The following TSPAN18 variants were observed in gnomAD, a reference collection of about 807,000 sequenced individuals.
TSPAN18 encodes tetraspanin-18.
In TSPAN18, 14 loss-of-function variants were observed where a neutral mutation model predicts 27.3. The observed-to-expected ratio is 0.51, with a 90% CI of 0.34 to 0.80. The LOEUF (loss-of-function observed/expected upper bound fraction) is 0.80. Ranked by LOEUF, TSPAN18 falls within the 30% of genes least tolerant of loss-of-function variation. The pLI is 0.01. For synonymous variants in TSPAN18, 143 were observed against 136.5 expected (o/e 1.05, Z -0.33); for missense variants, 268 against 323.9 (o/e 0.83, Z 1.32).
intron 2 of TSPAN18, among the ~76,000 whole-genome samples, chr11:44,842,076 G>A (rs1857385755): frequency 6.6e-6 from 1 of 152,128 alleles, no homozygotes; most frequent in South Asian, 2.1e-4. Flanking sequence ...AACACATCAG[G>A]GCAAAAGCAG....
intron 2 of TSPAN18, among the ~76,000 whole-genome samples, chr11:44,819,610 G>T (rs1369024133): frequency 6.6e-6 from 1 of 152,028 alleles, no homozygotes; most frequent in Admixed American, 6.5e-5. Flanking sequence ...CTGCTCTTGG[G>T]CACGGCAGTG....
intron 6 of TSPAN18, among the ~76,000 whole-genome samples, chr11:44,919,002 A>G (rs1362207874): frequency 6.6e-6 from 1 of 151,992 alleles, no homozygotes; most frequent in African/African-American, 2.4e-5. Flanking sequence ...CTCCACCGAG[A>G]TGTGCATGTG....
At chr11:44,794,446 TC>T (rs1856300449) in intron 2 of TSPAN18, among the ~76,000 whole-genome samples, 1 of 152,124 alleles carries the variant, frequency 6.6e-6, no homozygotes, top group Non-Finnish European at 1.5e-5. Context: ...GGCAGGTGGA[TC>T]ACCTGAGGTC....
intron 1 of TSPAN18, among the ~76,000 whole-genome samples, chr11:44,751,027 A>G (rs1330367887): frequency 1.3e-5 from 2 of 152,122 alleles, no homozygotes; most frequent in African/African-American, 4.8e-5. Context: ...AAAGAGAGAG[A>G]GGGAGTGAGC....
At chr11:44,875,623 C>T (rs1007596207) in intron 3 of TSPAN18, among the ~76,000 whole-genome samples, 8 of 152,230 alleles carry the variant, frequency 5.3e-5, no homozygotes, top group African/African-American at 1.9e-4. Context: ...CTCATCAAAT[C>T]CTTGTAACTA....
At chr11:44,788,456 C>CTTTTTT (rs11458938) in intron 2 of TSPAN18, among the ~76,000 whole-genome samples, 36 of 126,778 alleles carry the variant, frequency 2.8e-4, no homozygotes, top group African/African-American at 1.0e-3. Context: ...CTTTTTTTCT[C>CTTTTTT]TTTTTTTTTT....
chr11:44,842,412 C>T (rs1372491647), intron 2 of TSPAN18, among the ~76,000 whole-genome samples: 3 of 152,216 alleles, frequency 2.0e-5, no homozygotes, highest in Non-Finnish European at 4.4e-5. Context: ...ATGCATTTAA[C>T]ATTTTTGCTC....
chr11:44,832,604 A>C (rs538974119), intron 2 of TSPAN18, among the ~76,000 whole-genome samples: 61 of 152,266 alleles, frequency 4.0e-4, no homozygotes, highest in African/African-American at 1.5e-3. Flanking sequence ...CCAAACTGCC[A>C]CTGCCCCGGA....
chr11:44,894,430 G>A (rs907237725), intron 3 of TSPAN18, among the ~76,000 whole-genome samples: 12 of 152,186 alleles, frequency 7.9e-5, no homozygotes, highest in African/African-American at 1.2e-4. Flanking sequence ...TCTCTTGTCC[G>A]GCCGCCTCCT....
intron 3 of TSPAN18, among the ~76,000 whole-genome samples, chr11:44,884,464 G>A (rs764819951): frequency 2.0e-5 from 3 of 152,204 alleles, no homozygotes; most frequent in Non-Finnish European, 2.9e-5. Flanking sequence ...CCCTGGCCTC[G>A]ATGGGCGATC....
At chr11:44,760,685 G>A (rs567409087) in intron 1 of TSPAN18, among the ~76,000 whole-genome samples, 5 of 152,304 alleles carry the variant, frequency 3.3e-5, no homozygotes, top group African/African-American at 1.2e-4. Flanking sequence ...GAAAGAAGAG[G>A]AGGAAGAAGC....
intron 3 of TSPAN18, among the ~76,000 whole-genome samples, chr11:44,899,759 AC>A (rs1407766192): frequency 6.6e-6 from 1 of 152,176 alleles, no homozygotes; most frequent in East Asian, 1.9e-4. Context: ...TATGTAGTTC[AC>A]CCATAGTCAT....
At position 44,930,302 on chromosome 11, in the gene TSPAN18, T is replaced by C. The variant is rs1315477361; in HGVS notation, c.*1124T>C. On this transcript the variant is annotated 3_prime_UTR_variant, in exon 10 of 10. Transcript: ENST00000520358. ...TGCATACCTCCAGGGACAGAGAGCT[T>C]ACTACCTCCCAAGGCAGCCTCCTGC... 1.3e-5 allele frequency: 2 copies of C among 153,196 alleles called. No individual in the cohort carries two copies. Among genetic ancestry groups the C allele is most frequent in the Admixed American group, 6.5e-5 (1 of 15,388 alleles). The allele number at this position is 153,196 out of a possible 1,614,324, so 9.5% of individuals were successfully genotyped here. A position where few individuals can be genotyped will look rare whatever the true frequency, so the allele number is the denominator to read the frequency against.
intron 2 of TSPAN18, among the ~76,000 whole-genome samples, chr11:44,798,393 G>A (rs1856399812): frequency 6.6e-6 from 1 of 152,172 alleles, no homozygotes; most frequent in African/African-American, 2.4e-5. Context: ...GCAAGACTTG[G>A]AGGATTAAGT....
At chr11:44,920,855 G>A (rs1029737500) in intron 8 of TSPAN18, among the ~76,000 whole-genome samples, 4 of 152,178 alleles carry the variant, frequency 2.6e-5, no homozygotes, top group South Asian at 2.1e-4. Context: ...TAGAGGACGC[G>A]CAAGATGAAC....
intron 3 of TSPAN18, chr11:44,904,022 G>A (rs1177905293): frequency 1.1e-5 from 4 of 370,132 alleles, no homozygotes; most frequent in Non-Finnish European, 2.2e-5. Flanking sequence ...GGAGACTTGG[G>A]TGGATGATCT....
intron 3 of TSPAN18, among the ~76,000 whole-genome samples, chr11:44,905,093 A>G (rs574974020): frequency 1.7e-4 from 26 of 152,308 alleles, no homozygotes; most frequent in African/African-American, 6.0e-4. Flanking sequence ...TAATAATTGT[A>G]TATGTTTATG....
intron 1 of TSPAN18, among the ~76,000 whole-genome samples, chr11:44,748,909 A>G (rs537414395): frequency 1.1e-4 from 17 of 152,296 alleles, no homozygotes; most frequent in African/African-American, 4.1e-4. Context: ...ATGTATTGAG[A>G]GCGTACCACA....
intron 8 of TSPAN18, chr11:44,925,620 A>G (rs1444120356): frequency 6.6e-6 from 1 of 152,190 alleles, no homozygotes; most frequent in Non-Finnish European, 1.5e-5. Flanking sequence ...GCACCCAAGA[A>G]TCCCCGGTCT....
Sources: allele counts gnomAD v4.1 joint callset (sites outside exome capture counted in the v4.1 genomes callset), GRCh38; gene constraint gnomAD v4.1.1; transcripts MANE v1.5; gene names NCBI Gene and HGNC (gene_info 2026-07-23, HGNC 2026-07-21).